PIEZO2: variants seen among roughly 807,000 people sequenced by gnomAD.
PIEZO2 encodes the protein piezo type mechanosensitive ion channel component 2, also known as piezo-type mechanosensitive ion channel component 2.
A neutral mutation model predicts 337.3 loss-of-function variants in PIEZO2; 172 were observed. The observed-to-expected ratio is 0.51, with a 90% CI of 0.45 to 0.58. The LOEUF is 0.58. Ranked by LOEUF, PIEZO2 falls within the 20% of genes least tolerant of loss-of-function variation. PIEZO2 has a pLI of 0.00. For missense variants in PIEZO2, 3,028 were observed against 3,391.3 expected, an observed-to-expected ratio of 0.89 and a Z score of 2.66; for synonymous variants, 1,251 against 1,228.5, an observed-to-expected ratio of 1.02 and a Z score of -0.38.
At chr18:10,858,797 C>CCACCTACACACACCCA (rs2041796959) in intron 5 of PIEZO2, among the ~76,000 whole-genome samples, 1 of 151,998 alleles carries the variant, frequency 6.6e-6, no homozygotes, top group African/African-American at 2.4e-5. Context: ...CAGGATGCAC[C>CCACCTACACACACCCA]CAGCCAGCCC....
At chr18:10,738,383 A>T (rs545830673) in intron 33 of PIEZO2, 1 of 152,316 alleles carries the variant, frequency 6.6e-6, no homozygotes, top group East Asian at 1.9e-4. Context: ...CATATGGACA[A>T]GTTCAAAAGG....
rs1048817894 is a variant in PIEZO2, at chr18:10,705,319, G to A, written c.5999+17C>T. Reference sequence around the variant, plus strand: ...TGATTTGGGGATATGTGTCTGATCTGTTCACTGGACCCTTACTTTTTCAGC... The same window carrying A: ...TGATTTGGGGATATGTGTCTGATCTATTCACTGGACCCTTACTTTTTCAGC... On this transcript the variant is annotated intron_variant, in intron 41 of 55. Transcript: ENST00000674853. 4 of 1,520,640 alleles carry A rather than the reference G, an allele frequency of 2.6e-6. No individual in the cohort carries two copies. The African/African-American group carries it at 5.5e-5, about 21-fold the overall frequency. The allele number at this position is 1,520,640 out of a possible 1,614,324, so 94.2% of individuals were successfully genotyped here. A position where few individuals can be genotyped will look rare whatever the true frequency, so the allele number is the denominator to read the frequency against.
At chr18:10,788,574 AATTTTT>A (rs2039310405) in intron 15 of PIEZO2, among the ~76,000 whole-genome samples, 1 of 152,120 alleles carries the variant, frequency 6.6e-6, no homozygotes, top group South Asian at 2.1e-4. Context: ...AACAACCTAA[AATTTTT>A]ATTTTTACTT....
Position 10,871,489 on chromosome 18 carries a change from T to C in PIEZO2, c.330-74A>G, listed in dbSNP as rs2042140630. 47 of 1,328,862 alleles carry C rather than the reference T, an allele frequency of 3.5e-5. No individual in the cohort carries two copies. The South Asian group carries it at 6.9e-4, about 19-fold the overall frequency. The allele number at this position is 1,328,862 out of a possible 1,614,324, so 82.3% of individuals were successfully genotyped here. A position where few individuals can be genotyped will look rare whatever the true frequency, so the allele number is the denominator to read the frequency against. On this transcript the variant is annotated intron_variant, in intron 4 of 55. Transcript: ENST00000674853. The stretch of plus-strand genomic sequence containing the variant: ...TCTACGGTTAAACTGCCTTATAGGA[T>C]GTTTTGGTCTTCTTAATGATTTAAA...
chr18:11,025,804 A>C (rs1003750691), intron 2 of PIEZO2, among the ~76,000 whole-genome samples: 2 of 152,132 alleles, frequency 1.3e-5, no homozygotes, highest in East Asian at 3.9e-4. Context: ...CTCCTGGTTG[A>C]GTGGCTGGGG....
At chr18:11,093,443 G>A (rs1045776759) in intron 1 of PIEZO2, among the ~76,000 whole-genome samples, 6 of 152,154 alleles carry the variant, frequency 3.9e-5, no homozygotes, top group Non-Finnish European at 8.8e-5. Flanking sequence ...TTCTTCTGAT[G>A]ATGGGATCAG....
rs551006078 is a variant in PIEZO2 at position 10,806,996 on chromosome 18, T to C, written c.1080+116A>G. The C allele has an allele frequency of 1.0e-4, 105 of 1,052,910 alleles. No homozygotes were observed. The African/African-American group carries it at 1.5e-3, about 15-fold the overall frequency. The allele number at this position is 1,052,910 out of a possible 1,614,324, so 65.2% of individuals were successfully genotyped here. ...AATTAAAACATCATACCCAGAACAC[T>C]AGAGTTGTGTTGGAATAGAGTATCG... On this transcript the variant is annotated intron_variant, in intron 8 of 55. Transcript: ENST00000674853.
chr18:11,084,272 T>G (rs915764408), intron 1 of PIEZO2, among the ~76,000 whole-genome samples: 3 of 152,180 alleles, frequency 2.0e-5, no homozygotes, highest in Non-Finnish European at 2.9e-5. Flanking sequence ...TTAAATGTTT[T>G]CTTTATCATC....
intron 49 of PIEZO2, among the ~76,000 whole-genome samples, chr18:10,686,182 T>C (rs998324540): frequency 6.6e-6 from 1 of 152,214 alleles, no homozygotes; most frequent in African/African-American, 2.4e-5. Context: ...CCTAAGTCCC[T>C]GCAGTTGGGT....
At position 10,718,264 on chromosome 18, in the gene PIEZO2, C is replaced by T. The variant is rs771858026; in HGVS notation, c.5030-5G>A. On this transcript the variant is annotated splice_polypyrimidine_tract_variant and splice_region_variant and intron_variant, in intron 36 of 55. Transcript: ENST00000674853. ...GGTCTTCCCATTCCACAGGACCTGC[C>T]AAGTGTGTTCAATAAAGATGAGTTA... 2 of 1,535,260 alleles carry T rather than the reference C, an allele frequency of 1.3e-6. No homozygotes were observed. Among genetic ancestry groups the T allele is most frequent in the South Asian group, 2.4e-5 (2 of 84,014 alleles).
At chr18:11,036,318 C>CT (rs1196112437) in intron 2 of PIEZO2, among the ~76,000 whole-genome samples, 2 of 152,114 alleles carry the variant, frequency 1.3e-5, no homozygotes, top group Non-Finnish European at 2.9e-5. Flanking sequence ...TTAAGAATTG[C>CT]TACACTGCTG....
chr18:11,066,195 G>A lies in PIEZO2; in HGVS notation c.92C>T (p.Ser31Phe), dbSNP rs890959167. ...CAAGAGGTAGATAAGGTAGACAAAG[G>A]AGAGCCCATTGTATCGGAATGCACA... ...VACAFRYNGL[S>F]FVYLIYLLLI... is the part of the protein sequence containing the mutation. Residue 31 changes from serine (S) to phenylalanine (F), a missense_variant, in exon 2 of 56, where the codon TCC becomes TTC. Ser to Phe is a radical substitution (Grantham distance 155). Coordinates refer to ENST00000674853, the MANE Select transcript of PIEZO2 (RefSeq NM_001378183.1). 1.3e-6 allele frequency: 2 copies of A among 1,536,866 alleles called. No individual in the cohort carries two copies. The highest frequency in any genetic ancestry group is 1.7e-6 in the Non-Finnish European group (2 of 1,146,728).
intron 40 of PIEZO2, among the ~76,000 whole-genome samples, chr18:10,706,847 C>T (rs12326919): frequency 0.3 from 45,381 of 151,962 alleles, 6,937 homozygotes; most frequent in East Asian, 0.4. Context: ...CTCTGAAATA[C>T]GTACTCTTAT....
chr18:11,041,343 G>A (rs938337811), intron 2 of PIEZO2, among the ~76,000 whole-genome samples: 1 of 152,182 alleles, frequency 6.6e-6, no homozygotes, highest in African/African-American at 2.4e-5. Flanking sequence ...TAAGGATAAA[G>A]AGAAAGAGAA....
At chr18:10,890,315 T>C (rs1338555971) in intron 4 of PIEZO2, among the ~76,000 whole-genome samples, 1 of 152,208 alleles carries the variant, frequency 6.6e-6, no homozygotes, top group Non-Finnish European at 1.5e-5. Flanking sequence ...CATTTGTCAA[T>C]GTGGCTGAGT....
chr18:10,795,378 T>C lies in PIEZO2; in HGVS notation c.1528-376A>G, dbSNP rs530785673. On this transcript the variant is annotated intron_variant, in intron 12 of 55. Coordinates refer to ENST00000674853, the MANE Select transcript of PIEZO2 (RefSeq NM_001378183.1). This position sits in a 1 kb window ranked among gnomAD's most constrained non-coding sequence, Gnocchi z 4.4. ...TATTTTATTTTATTTTATTTTATTT[T>C]ATTTTATTTTATTTTATTTTATTTT... Among the ~76,000 whole-genome samples the C allele has an allele frequency of 0.015, 498 of 33,198 alleles. 22 individuals are homozygous for C. Among genetic ancestry groups the C allele is most frequent in the African/African-American group, 0.052 (476 of 9,202 alleles). 21.8% of individuals were successfully genotyped at this position (33,198 alleles called of 152,430 possible). A position where few individuals can be genotyped will look rare whatever the true frequency, so the allele number is the denominator to read the frequency against.
Position 10,701,974 on chromosome 18 carries a change from G to T in PIEZO2, c.6441+15C>A. On this transcript the variant is annotated intron_variant, in intron 43 of 55. Transcript: ENST00000674853. ...GATGACCAACTTGAACTGATTAATT[G>T]TTAACATGCAGTACCTTCAAAATTG... 2 of 1,510,522 alleles carry T rather than the reference G, an allele frequency of 1.3e-6. No individual in the cohort carries two copies. The highest frequency in any genetic ancestry group is 2.5e-5 in the East Asian group (1 of 40,528). The allele number at this position is 1,510,522 out of a possible 1,614,324, so 93.6% of individuals were successfully genotyped here. A position where few individuals can be genotyped will look rare whatever the true frequency, so the allele number is the denominator to read the frequency against.
At chr18:10,736,217 T>C (rs2036987996) in intron 34 of PIEZO2, among the ~76,000 whole-genome samples, 1 of 152,256 alleles carries the variant, frequency 6.6e-6, no homozygotes, top group Non-Finnish European at 1.5e-5. Context: ...AGCAAGGATT[T>C]TGTTTTCATT....
At chr18:10,981,313 G>A (rs1249250955) in intron 2 of PIEZO2, among the ~76,000 whole-genome samples, 2 of 151,884 alleles carry the variant, frequency 1.3e-5, no homozygotes, top group Non-Finnish European at 2.9e-5. Context: ...ACACATAATA[G>A]ATATGAAATC....
Sources: allele counts gnomAD v4.1 joint callset (sites outside exome capture counted in the v4.1 genomes callset), GRCh38; gene constraint gnomAD v4.1.1; non-coding constraint Gnocchi (gnomAD v3.1); transcripts MANE v1.5; gene names NCBI Gene and HGNC (gene_info 2026-07-23, HGNC 2026-07-21).